The following PPFIBP1 variants were observed in gnomAD, a reference collection of about 807,000 sequenced individuals.
The protein encoded by PPFIBP1 is PPFIB scaffold protein 1.
A neutral mutation model predicts 137.8 loss-of-function variants in PPFIBP1; 112 were observed. That is an observed-to-expected ratio of 0.81 (90% CI 0.70 to 0.95). The LOEUF (loss-of-function observed/expected upper bound fraction) is 0.95. Ranked by LOEUF, PPFIBP1 falls within the 40% of genes least tolerant of loss-of-function variation. The probability of loss-of-function intolerance (pLI) is 0.00; values close to 1 mark genes in which losing one functional copy is unlikely to be tolerated. For missense variants in PPFIBP1, 1,083 were observed against 1,196.6 expected (o/e 0.91, Z 1.40); for synonymous variants, 378 against 417.3 (o/e 0.91, Z 1.15).
chr12:27,653,787 T>C (rs2059028172), intron 7 of PPFIBP1, among the ~76,000 whole-genome samples: 1 of 152,080 alleles, frequency 6.6e-6, no homozygotes, highest in South Asian at 2.1e-4. Context: ...TGTGAGCAAA[T>C]TGGTCCTTTA....
intron 4 of PPFIBP1, among the ~76,000 whole-genome samples, chr12:27,637,623 C>G (rs1228997189): frequency 6.6e-6 from 1 of 152,026 alleles, no homozygotes; most frequent in Non-Finnish European, 1.5e-5. Flanking sequence ...TGTGTTTTCT[C>G]AAGCACACAG....
chr12:27,556,690 C>T (rs1330420973), intron 1 of PPFIBP1, among the ~76,000 whole-genome samples: 1 of 152,096 alleles, frequency 6.6e-6, no homozygotes, highest in African/African-American at 2.4e-5. Context: ...ACTTTTAAGC[C>T]AACACACCCC....
chr12:27,664,442 A>T lies in PPFIBP1; in HGVS notation c.987A>T (p.Lys329Asn). 6.2e-7 allele frequency: 1 copy of T among 1,608,342 alleles called. No homozygotes were observed. Among genetic ancestry groups the T allele is most frequent in the Admixed American group, 1.7e-5 (1 of 59,598 alleles). ...ACACGGTGGTACTGGCCCAAGGTAAAAAAGGTAGAGTGTAGCTCTAAAAGT... is the reference window on the plus strand; with the variant it reads ...ACACGGTGGTACTGGCCCAAGGTAATAAAGGTAGAGTGTAGCTCTAAAAGT... ...MQDTVVLAQG[K>N]KGKDGEYEEL... Residue 329 changes from lysine (K) to asparagine (N), a missense_variant, in exon 12 of 30, where the codon AAA becomes AAT. Transcript: ENST00000228425.
At chr12:27,551,900 C>T (rs936154182) in intron 1 of PPFIBP1, among the ~76,000 whole-genome samples, 8 of 152,050 alleles carry the variant, frequency 5.3e-5, no homozygotes, top group Non-Finnish European at 1.2e-4. Context: ...ATAAGGAGAC[C>T]CATATTAGAA....
intron 2 of PPFIBP1, among the ~76,000 whole-genome samples, chr12:27,608,125 G>T (rs2054722859): frequency 6.6e-6 from 1 of 152,112 alleles, no homozygotes; most frequent in Admixed American, 6.5e-5. Flanking sequence ...TCAAGTACTA[G>T]TATCTTCAAA....
chr12:27,588,506 C>T (rs2052065916), intron 2 of PPFIBP1, among the ~76,000 whole-genome samples: 1 of 152,136 alleles, frequency 6.6e-6, no homozygotes, highest in Non-Finnish European at 1.5e-5. Flanking sequence ...GAAAGTGAAA[C>T]TTGAAAACAA....
At chr12:27,692,241 C>G (rs10734762) in intron 28 of PPFIBP1, among the ~76,000 whole-genome samples, 131,018 of 152,162 alleles carry the variant, frequency 0.86, 56,583 homozygotes, top group Middle Eastern at 0.89. Context: ...CAAAGCCTGT[C>G]ATATTTACCA....
Position 27,681,560 on chromosome 12 carries a change from C to T in PPFIBP1, c.1910C>T (p.Pro637Leu), listed in dbSNP as rs1225556260. 1.2e-6 allele frequency: 2 copies of T among 1,613,836 alleles called. No individual in the cohort carries two copies. The highest frequency in any genetic ancestry group is 2.7e-5 in the African/African-American group (2 of 74,892). ...TTTTCCTGTAGTGACTTGGATATGC[C>T]ATTTGCCAAGTGGACCAAGGAGCAG... ...LGQSNSDLDMPFAKWTKEQVC... is the reference protein window; with the variant it reads ...LGQSNSDLDMLFAKWTKEQVC... Residue 637 changes from proline to leucine, a missense_variant, in exon 22 of 30, where the codon CCA becomes CTA. Transcript: ENST00000228425.
Position 27,529,073 on chromosome 12 carries a change from A to G in PPFIBP1, c.-124+4708A>G, listed in dbSNP as rs1652278987. On this transcript the variant is annotated intron_variant, in intron 1 of 29. Coordinates refer to ENST00000228425, the MANE Select transcript of PPFIBP1 (RefSeq NM_003622.4). Reference sequence around the variant, plus strand: ...TGCACCTAACAATGTCCATGCCTGAAGGAATTGTATAAACTCAAATTGCAC... The same window carrying G: ...TGCACCTAACAATGTCCATGCCTGAGGGAATTGTATAAACTCAAATTGCAC... Among the ~76,000 whole-genome samples, 3 of 152,212 alleles carry G rather than the reference A, an allele frequency of 2.0e-5. No individual in the cohort carries two copies. The South Asian group carries it at 6.2e-4, about 32-fold the overall frequency.
rs748807269 is a variant in PPFIBP1, at chr12:27,660,965, A to G, written c.906+20A>G. 3 of 1,611,846 alleles carry G rather than the reference A, an allele frequency of 1.9e-6. No homozygotes were observed. The Admixed American group carries it at 5.0e-5, about 27-fold the overall frequency. On this transcript the variant is annotated intron_variant, in intron 11 of 29. Transcript: ENST00000228425. ...GAAAAGGTATCCAGATGAAATTTAA[A>G]TATACGTGTGGATGTTTTTTAACAC...
chr12:27,553,895 G>A (rs1236500248), intron 1 of PPFIBP1, among the ~76,000 whole-genome samples: 4 of 152,074 alleles, frequency 2.6e-5, no homozygotes, highest in Admixed American at 1.3e-4. Flanking sequence ...TGAATTATAC[G>A]TGTTACTTAA....
chr12:27,633,765 C>T (rs1220938720), intron 3 of PPFIBP1, among the ~76,000 whole-genome samples: 1 of 151,726 alleles, frequency 6.6e-6, no homozygotes, highest in Non-Finnish European at 1.5e-5. Context: ...ACTTCTCTAC[C>T]CAGTGAACAT....
At chr12:27,575,348 C>A (rs1217098256) in intron 1 of PPFIBP1, among the ~76,000 whole-genome samples, 1 of 152,166 alleles carries the variant, frequency 6.6e-6, no homozygotes, top group Non-Finnish European at 1.5e-5. Flanking sequence ...CTATAGATTC[C>A]ATTTCATTTT....
At chr12:27,621,077 G>C (rs1440183027) in intron 2 of PPFIBP1, among the ~76,000 whole-genome samples, 2 of 152,222 alleles carry the variant, frequency 1.3e-5, no homozygotes, top group Non-Finnish European at 2.9e-5. Context: ...TGAGAGAAGA[G>C]TCTGTGCACT....
intron 2 of PPFIBP1, among the ~76,000 whole-genome samples, chr12:27,608,263 G>C (rs541857207): frequency 1.3e-5 from 2 of 152,296 alleles, no homozygotes; most frequent in African/African-American, 4.8e-5. Context: ...GCTACAGACA[G>C]CACACTGTTC....
chr12:27,662,940 C>T (rs975515641), intron 11 of PPFIBP1, among the ~76,000 whole-genome samples: 1 of 152,188 alleles, frequency 6.6e-6, no homozygotes, highest in African/African-American at 2.4e-5. Context: ...TATTATTTCT[C>T]ATACTTCTGT....
chr12:27,551,042 A>G lies in PPFIBP1; in HGVS notation c.-124+26677A>G, dbSNP rs976570895. ...AACTGAGATAGGTACTCTTATTCCC[A>G]TCTTCTAAAGAGAAAACTGAAACAA... On this transcript the variant is annotated intron_variant, in intron 1 of 29. Transcript: ENST00000228425. Among the ~76,000 whole-genome samples, 21 of 150,404 alleles carry G rather than the reference A, an allele frequency of 1.4e-4. No homozygotes were observed. In the East Asian group the frequency reaches 2.3e-3, roughly 17 times the overall value.
intron 1 of PPFIBP1, among the ~76,000 whole-genome samples, chr12:27,546,184 C>T (rs544635858): frequency 2.0e-5 from 3 of 152,164 alleles, no homozygotes; most frequent in Admixed American, 1.3e-4. Context: ...AGATAAGTTG[C>T]GAATTGGCAG....
intron 24 of PPFIBP1, among the ~76,000 whole-genome samples, chr12:27,685,488 A>G (rs1040621529): frequency 6.6e-6 from 1 of 152,158 alleles, no homozygotes; most frequent in African/African-American, 2.4e-5. Context: ...TGACTAGAAC[A>G]CATTCAGTAA....
Sources: gnomAD v4.1 joint callset for allele counts (sites outside exome capture counted in the v4.1 genomes callset) on GRCh38, gnomAD v4.1.1 for gene constraint, MANE v1.5 for transcripts, NCBI Gene and HGNC (gene_info 2026-07-23, HGNC 2026-07-21) for gene names.